The following HUNK variants were observed in gnomAD, a reference collection of about 807,000 sequenced individuals.
HUNK encodes the protein hormonally up-regulated Neu-associated kinase.
HUNK carries 21 observed loss-of-function variants against 61.0 expected under a neutral mutation model. The ratio of observed to expected loss-of-function variants is 0.34; its 90% CI spans 0.24 to 0.50. HUNK has a LOEUF of 0.50. HUNK is among the 20% of genes least tolerant of loss of function. HUNK has a pLI of 0.98. For missense variants in HUNK, 772 were observed against 945.7 expected (o/e 0.82, Z 2.41); for synonymous variants, 371 against 386.1 (o/e 0.96, Z 0.46).
intron 2 of HUNK, among the ~76,000 whole-genome samples, chr21:31,925,414 T>G (rs1267905641): frequency 6.6e-6 from 1 of 152,248 alleles, no homozygotes; most frequent in Non-Finnish European, 1.5e-5. Flanking sequence ...AAGTGTTAGC[T>G]GCTTTTCTTC....
At chr21:31,934,248 G>A (rs866211680) in intron 2 of HUNK, among the ~76,000 whole-genome samples, 4 of 152,054 alleles carry the variant, frequency 2.6e-5, no homozygotes, top group Non-Finnish European at 4.4e-5. Flanking sequence ...GAGGTCAGGA[G>A]ATCGAGACCA....
At chr21:31,912,837 C>A (rs2833555) in intron 1 of HUNK, among the ~76,000 whole-genome samples, 1 of 152,054 alleles carries the variant, frequency 6.6e-6, no homozygotes, top group Non-Finnish European at 1.5e-5. Context: ...GCATCACGAT[C>A]GCACACAAGC....
intron 4 of HUNK, among the ~76,000 whole-genome samples, chr21:31,946,407 C>A (rs1204797870): frequency 1.3e-5 from 2 of 152,102 alleles, no homozygotes; most frequent in Non-Finnish European, 2.9e-5. Flanking sequence ...AAGAAAACCA[C>A]GTCCTGCCCT....
chr21:31,903,105 G>A (rs2052480454), intron 1 of HUNK, among the ~76,000 whole-genome samples: 1 of 151,630 alleles, frequency 6.6e-6, no homozygotes, highest in Non-Finnish European at 1.5e-5. Flanking sequence ...ACATAACAAA[G>A]CTCCATTAAT....
At chr21:31,996,624 G>C (rs2053207892) in intron 10 of HUNK, among the ~76,000 whole-genome samples, 1 of 152,210 alleles carries the variant, frequency 6.6e-6, no homozygotes, top group Non-Finnish European at 1.5e-5. Context: ...GGGGACACAG[G>C]AGCTGAGGGC....
chr21:31,904,393 C>G (rs8131506), intron 1 of HUNK, among the ~76,000 whole-genome samples: 6,677 of 152,090 alleles, frequency 0.044, 474 homozygotes, highest in African/African-American at 0.15. Context: ...GTGACTAATG[C>G]AAATAAAAAG....
chr21:31,974,490 G>A (rs2053034375), intron 6 of HUNK, 65 bp from the exon 7 acceptor site: 7 of 1,435,208 alleles, frequency 4.9e-6, no homozygotes, highest in South Asian at 4.2e-5. Flanking sequence ...TTGTGCCCAG[G>A]GGGTCTGTGT....
chr21:31,981,303 T>A (rs930427663), intron 7 of HUNK, among the ~76,000 whole-genome samples: 3 of 152,194 alleles, frequency 2.0e-5, no homozygotes, highest in Admixed American at 2.0e-4. Context: ...TGCATCAACT[T>A]TGATTTTATT....
chr21:31,885,664 C>T (rs1282756562), intron 1 of HUNK, among the ~76,000 whole-genome samples: 1 of 152,174 alleles, frequency 6.6e-6, no homozygotes, highest in East Asian at 1.9e-4. Flanking sequence ...CCATGGCTGT[C>T]TTCTTCCTGT....
At chr21:31,903,600 G>A (rs2052484333) in intron 1 of HUNK, among the ~76,000 whole-genome samples, 1 of 152,194 alleles carries the variant, frequency 6.6e-6, no homozygotes, top group Non-Finnish European at 1.5e-5. Context: ...TTGAAAGTTA[G>A]TGTCCTGGAT....
intron 4 of HUNK, among the ~76,000 whole-genome samples, chr21:31,956,292 G>A (rs1179354662): frequency 6.6e-6 from 1 of 152,190 alleles, no homozygotes; most frequent in Non-Finnish European, 1.5e-5. Context: ...GATGGAACAG[G>A]CTGGCTCAGA....
intron 1 of HUNK, among the ~76,000 whole-genome samples, chr21:31,884,462 G>A (rs371338645): frequency 9.2e-5 from 14 of 151,954 alleles, no homozygotes; most frequent in African/African-American, 2.7e-4. Flanking sequence ...CGTGGTGGTG[G>A]GCACCTGTAA....
chr21:31,994,157 G>A (rs1025061059), intron 9 of HUNK, among the ~76,000 whole-genome samples: 2 of 152,216 alleles, frequency 1.3e-5, no homozygotes, highest in Non-Finnish European at 2.9e-5. Context: ...AAAAAGGCTG[G>A]TGGCAGCTGT....
intron 1 of HUNK, among the ~76,000 whole-genome samples, chr21:31,909,184 T>A (rs748007299): frequency 6.6e-6 from 1 of 152,236 alleles, no homozygotes; most frequent in Non-Finnish European, 1.5e-5. Flanking sequence ...AGCCTTCTGA[T>A]AAGAATTCCA....
chr21:31,876,236 C>T (rs915744304), intron 1 of HUNK, among the ~76,000 whole-genome samples: 1 of 152,146 alleles, frequency 6.6e-6, no homozygotes, highest in Non-Finnish European at 1.5e-5. Context: ...GAGAAGGAGG[C>T]AGGGGAGAGA....
chr21:31,885,669 T>C (rs1274535786), intron 1 of HUNK, among the ~76,000 whole-genome samples: 1 of 152,184 alleles, frequency 6.6e-6, no homozygotes, highest in East Asian at 1.9e-4. Context: ...GCTGTCTTCT[T>C]CCTGTGTCTC....
intron 4 of HUNK, among the ~76,000 whole-genome samples, chr21:31,952,576 T>C: frequency 6.8e-6 from 1 of 147,970 alleles, no homozygotes; most frequent in African/African-American, 2.5e-5. Context: ...GGATGGCAGG[T>C]GATACCACAA....
rs563672240 is a variant in HUNK, at chr21:31,881,784, C to T, written c.261+7849C>T. ...CTTCAGCCTGCCCTACCTTGCTGCT[C>T]GACTGTGGTCTCTCTCCCTGCAATG... On this transcript the variant is annotated intron_variant, in intron 1 of 10. Coordinates refer to ENST00000270112, the MANE Select transcript of HUNK (RefSeq NM_014586.2). 3.5e-4 allele frequency among the ~76,000 whole-genome samples: 53 copies of T among 152,258 alleles called. 1 individual carries two copies. Among genetic ancestry groups the T allele is most frequent in the Non-Finnish European group, 2.2e-4 (15 of 68,018 alleles).
chr21:31,912,581 TC>T (rs2052554231), intron 1 of HUNK, among the ~76,000 whole-genome samples: 1 of 152,030 alleles, frequency 6.6e-6, no homozygotes, highest in Non-Finnish European at 1.5e-5. Context: ...TCACTCTGTC[TC>T]CCAGGCTGGA....
Sources: gnomAD v4.1 joint callset for allele counts (sites outside exome capture counted in the v4.1 genomes callset) on GRCh38, gnomAD v4.1.1 for gene constraint, MANE v1.5 for transcripts, NCBI Gene and HGNC (gene_info 2026-07-23, HGNC 2026-07-21) for gene names.